ABCA3: variants seen among roughly 807,000 people sequenced by gnomAD.
ABCA3 encodes the protein phospholipid-transporting ATPase ABCA3.
A neutral mutation model predicts 172.8 loss-of-function variants in ABCA3; 88 were observed. The observed-to-expected ratio is 0.51, with a 90% CI of 0.43 to 0.61. The LOEUF is 0.61. Among genes scored for constraint, ABCA3 ranks in the 20% least tolerant of loss-of-function variants. The probability of loss-of-function intolerance (pLI) is 0.00; values close to 1 mark genes in which losing one functional copy is unlikely to be tolerated. For missense variants in ABCA3, 2,164 were observed against 2,301.0 expected (o/e 0.94, Z 1.22); for synonymous variants, 1,066 against 983.8 (o/e 1.08, Z -1.56).
At chr16:2,301,297 T>C (rs2093689053) in intron 12 of ABCA3, among the ~76,000 whole-genome samples, 1 of 152,026 alleles carries the variant, frequency 6.6e-6, no homozygotes. Context: ...GTGGCATTTT[T>C]CTTTCTTAGT....
At chr16:2,311,574 G>A (rs781730539) in intron 10 of ABCA3, among the ~76,000 whole-genome samples, 3 of 152,036 alleles carry the variant, frequency 2.0e-5, no homozygotes, top group African/African-American at 4.8e-5. Context: ...CCAGGCTGGA[G>A]TGCAGTGGCA....
chr16:2,307,016 C>CA (rs201661615), intron 11 of ABCA3, among the ~76,000 whole-genome samples: 1,001 of 65,440 alleles, frequency 0.015, 18 homozygotes, highest in African/African-American at 0.02. Context: ...GACTCCGTCT[C>CA]AAAAAAAAAA....
chr16:2,308,940 C>T (rs1207890317), intron 10 of ABCA3, among the ~76,000 whole-genome samples: 1 of 152,144 alleles, frequency 6.6e-6, no homozygotes. Flanking sequence ...TGATTCCCGC[C>T]TAAGCCCCAC....
chr16:2,338,878 C>T (rs891780469), intron 1 of ABCA3, among the ~76,000 whole-genome samples: 1 of 151,820 alleles, frequency 6.6e-6, no homozygotes, highest in Admixed American at 6.6e-5. Context: ...CCTCAGCCTC[C>T]TGAGTAGCTG....
chr16:2,327,135 G>T, intron 3 of ABCA3, among the ~76,000 whole-genome samples: 1 of 152,054 alleles, frequency 6.6e-6, no homozygotes, highest in Non-Finnish European at 1.5e-5. Context: ...TTTCTTTTGA[G>T]ACAGGGTCCT....
intron 1 of ABCA3, among the ~76,000 whole-genome samples, chr16:2,335,934 G>A (rs2093751029): frequency 6.6e-6 from 1 of 152,300 alleles, no homozygotes; most frequent in Non-Finnish European, 1.5e-5. Flanking sequence ...TAAGGAGAAG[G>A]TACAGATTTT....
chr16:2,318,854 G>A (rs192407607), intron 8 of ABCA3, among the ~76,000 whole-genome samples: 213 of 152,206 alleles, frequency 1.4e-3, no homozygotes, highest in Non-Finnish European at 1.6e-3. Context: ...AGAACAGCGG[G>A]AAGAGGAGCA....
rs2093664757 is a variant in ABCA3, at chr16:2,287,367, C to G, written c.3005-400G>C. ...CGATCTTGGCTCACTGCAGCCTCCA[C>G]CGCCCAGGTTCAAGCCATTCTCCTG... is the stretch of plus-strand genomic sequence containing the variant. On this transcript the variant is annotated intron_variant, in intron 21 of 32. Coordinates refer to ENST00000301732, the MANE Select transcript of ABCA3 (RefSeq NM_001089.3). This position sits in a 1 kb window ranked among gnomAD's most constrained non-coding sequence, Gnocchi z 4.1. Among the ~76,000 whole-genome samples the G allele has an allele frequency of 6.6e-6, 1 of 152,000 alleles. No individual in the cohort carries two copies.
rs752706905 is a variant in ABCA3, at chr16:2,297,865, G to C, written c.1953C>G (p.Ile651Met). ...AGTTCCACTTGTCCTCCAGGCCGAT[G>C]ATGTGCAGCATCTGCTTGACTTCTT... ...CPEEVKQMLH[I>M]IGLEDKWNSR... Residue 651 changes from isoleucine (I) to methionine (M), a missense_variant, in exon 16 of 33, where the codon ATC (isoleucine) becomes ATG (methionine). Physicochemically the swap from Ile to Met is conservative, Grantham distance 10. This residue lies in a region of ABCA3 where 1,343 missense variants were observed against 1,369.6 expected (regional missense o/e 0.98). Transcript: ENST00000301732. The surrounding 1 kb of genome is among the most constrained non-coding windows in gnomAD (Gnocchi z 5.6). 8 of 1,613,748 alleles carry C rather than the reference G, an allele frequency of 5.0e-6. No homozygotes were observed. In the South Asian group the frequency reaches 8.8e-5, roughly 18 times the overall value.
In ABCA3 at chr16:2,277,289, A is replaced by G. The variant is rs1346021726; in HGVS notation, c.4983+308T>C. Among the ~76,000 whole-genome samples the G allele has an allele frequency of 3.3e-5, 5 of 151,994 alleles. No homozygotes were observed. The highest frequency in any genetic ancestry group is 7.4e-5 in the Non-Finnish European group (5 of 67,984). On this transcript the variant is annotated intron_variant, in intron 32 of 32. Coordinates refer to ENST00000301732, the MANE Select transcript of ABCA3 (RefSeq NM_001089.3). This position sits in a 1 kb window ranked among gnomAD's most constrained non-coding sequence, Gnocchi z 5.3. ...TAAATTTTTTGTAGAGACGGGGTCT[A>G]TGTTGCCCAGGCTGGTCTAGAACTC...
intron 10 of ABCA3, 66 bp from the exon 11 acceptor site, chr16:2,308,689 G>A (rs1414460319): frequency 3.8e-6 from 6 of 1,589,456 alleles, no homozygotes; most frequent in South Asian, 1.1e-5. Flanking sequence ...TGGGCTCCCC[G>A]AGGTACAGGC....
chr16:2,309,910 G>A (rs1034319328), intron 10 of ABCA3, among the ~76,000 whole-genome samples: 4 of 151,630 alleles, frequency 2.6e-5, no homozygotes, highest in African/African-American at 7.2e-5. Context: ...CTGAGCCACC[G>A]TGCCCAGCCA....
chr16:2,299,676 G>T, intron 13 of ABCA3, 144 bp from the exon 14 acceptor site: 1 of 1,318,306 alleles, frequency 7.6e-7, no homozygotes, highest in South Asian at 1.2e-5. Context: ...GACGTTTCGG[G>T]CAGATGCTGC....
At chr16:2,337,015 C>T (rs372833923) in intron 1 of ABCA3, among the ~76,000 whole-genome samples, 31 of 151,390 alleles carry the variant, frequency 2.0e-4, no homozygotes, top group Middle Eastern at 3.4e-3. Context: ...CAGGCTCAAG[C>T]GATCCTCCCT....
chr16:2,290,392 C>T (rs2093670217), intron 19 of ABCA3, among the ~76,000 whole-genome samples: 1 of 152,206 alleles, frequency 6.6e-6, no homozygotes, highest in South Asian at 2.1e-4. Context: ...GATTATTTTT[C>T]TCTTGAGACC....
intron 10 of ABCA3, among the ~76,000 whole-genome samples, chr16:2,316,850 T>A (rs904394747): frequency 6.6e-6 from 1 of 152,104 alleles, no homozygotes; most frequent in Non-Finnish European, 1.5e-5. Context: ...ACACAACTTA[T>A]AGCCTCTGAA....
rs1206970988 is a variant in ABCA3 at position 2,277,933 on chromosome 16, C to T, written c.4855G>A (p.Gly1619Arg). Residue 1619 changes from glycine (G) to arginine (R), a missense_variant, in exon 31 of 33, where the codon GGG becomes AGG. Coordinates refer to ENST00000301732, the MANE Select transcript of ABCA3 (RefSeq NM_001089.3). The surrounding 1 kb of genome is among the most constrained non-coding windows in gnomAD (Gnocchi z 5.3). ...YSLRAKVQSE[G>R]QQEALEEFKA... is the part of the protein sequence containing the mutation. Reference sequence around the variant, plus strand: ...AACTCCTCCAGCGCCTCCTGTTGCCCTTCACTCTGCACCTTGGCCCGCAGG... The same window carrying T: ...AACTCCTCCAGCGCCTCCTGTTGCCTTTCACTCTGCACCTTGGCCCGCAGG... The T allele has an allele frequency of 2.5e-6, 4 of 1,611,610 alleles. No individual in the cohort carries two copies. The East Asian group carries it at 8.9e-5, about 36-fold the overall frequency.
In ABCA3 at chr16:2,289,512, G is replaced by A. The variant is rs752144829; in HGVS notation, c.2622C>T (p.Leu874=). 1 of 1,589,552 alleles carries A rather than the reference G, an allele frequency of 6.3e-7. No homozygotes were observed. The highest frequency in any genetic ancestry group is 1.3e-5 in the African/African-American group (1 of 74,738). ...RASDWAVDSN[L]CGAMDPSDGI... The stretch of plus-strand genomic sequence containing the variant: ...CGTCGGAGGGGTCCATGGCCCCACA[G>A]AGGTTGCTGTCCACAGCCCAGTCGC... Residue 874 remains leucine (L), a synonymous_variant, in exon 20 of 33, where the codon CTC becomes CTT. Transcript: ENST00000301732.
Position 2,324,551 on chromosome 16 carries a change from G to A in ABCA3, c.320-20C>T. 3.1e-6 allele frequency: 5 copies of A among 1,607,396 alleles called. No individual in the cohort carries two copies. Among genetic ancestry groups the A allele is most frequent in the South Asian group, 1.1e-5 (1 of 90,976 alleles). On this transcript the variant is annotated intron_variant, in intron 5 of 32. Transcript: ENST00000301732. ...CGCGCACTGCAAAGAGAGAGCACGG[G>A]AGCTGTGGTTGCCCAATCGGCCCTC... is the stretch of plus-strand genomic sequence containing the variant.
Sources: gnomAD v4.1 joint callset for allele counts (sites outside exome capture counted in the v4.1 genomes callset) on GRCh38, gnomAD v4.1.1 for gene constraint, gnomAD v4.1.1 regional missense constraint, Gnocchi (gnomAD v3.1) non-coding constraint, MANE v1.5 for transcripts, NCBI Gene and HGNC (gene_info 2026-07-23, HGNC 2026-07-21) for gene names.